MYO5B: variants seen among roughly 807,000 people sequenced by gnomAD.
MYO5B encodes the protein myosin VB.
MYO5B carries 143 observed loss-of-function variants against 229.3 expected under a neutral mutation model. That is an observed-to-expected ratio of 0.62 (90% CI 0.54 to 0.72). The LOEUF (loss-of-function observed/expected upper bound fraction) is 0.72, where lower values mean the gene tolerates loss of function less well. MYO5B is among the 30% of genes least tolerant of loss of function. The pLI is 0.00. For missense variants in MYO5B, 2,321 were observed against 2,331.0 expected (o/e 1.00, Z 0.09); for synonymous variants, 918 against 885.2 (o/e 1.04, Z -0.66).
chr18:50,081,057 T>A (rs1421829612), intron 1 of MYO5B, among the ~76,000 whole-genome samples: 1 of 152,222 alleles, frequency 6.6e-6, no homozygotes, highest in East Asian at 1.9e-4. Flanking sequence ...AATAAAGTTA[T>A]GAGTCACCAG....
At chr18:49,838,085 CCA>C (rs1451036602) in intron 36 of MYO5B, among the ~76,000 whole-genome samples, 2 of 152,178 alleles carry the variant, frequency 1.3e-5, no homozygotes, top group Non-Finnish European at 2.9e-5. Context: ...GTGCTGAAGT[CCA>C]CAGTTTGAGA....
At position 50,187,880 on chromosome 18, in the gene MYO5B, G is replaced by T. The variant is rs574828516; in HGVS notation, c.27+6887C>A. ...AAAAACTGAGCAACTGTCACTAGAG[G>T]GGGGCAGGGAGCTACAACCCTAAAG... On this transcript the variant is annotated intron_variant, in intron 1 of 39. Transcript: ENST00000285039. Among the ~76,000 whole-genome samples the T allele has an allele frequency of 4.6e-5, 7 of 152,246 alleles. No individual in the cohort carries two copies. In the South Asian group the frequency reaches 6.2e-4, roughly 14 times the overall value.
intron 8 of MYO5B, among the ~76,000 whole-genome samples, chr18:49,981,710 C>T (rs1039252660): frequency 7.2e-5 from 11 of 152,168 alleles, no homozygotes; most frequent in African/African-American, 2.4e-4. Flanking sequence ...ATGACCGGAT[C>T]GCTGGCTACT....
intron 16 of MYO5B, among the ~76,000 whole-genome samples, chr18:49,930,031 T>C (rs2025172560): frequency 6.6e-6 from 1 of 152,200 alleles, no homozygotes; most frequent in Admixed American, 6.5e-5. Flanking sequence ...AAGGATGAGT[T>C]TCAGACTAGG....
chr18:50,059,681 ACAGCTGC>A (rs528003758), intron 1 of MYO5B, among the ~76,000 whole-genome samples: 8 of 152,338 alleles, frequency 5.3e-5, no homozygotes, highest in African/African-American at 1.9e-4. Flanking sequence ...AGGATGGTTC[ACAGCTGC>A]CAGCTGCCAC....
intron 24 of MYO5B, among the ~76,000 whole-genome samples, chr18:49,878,261 C>G (rs1347222560): frequency 9.9e-5 from 15 of 152,164 alleles, no homozygotes; most frequent in Admixed American, 9.8e-4. Flanking sequence ...TCAACCTGCA[C>G]TCCTCAAATT....
intron 32 of MYO5B, among the ~76,000 whole-genome samples, chr18:49,848,967 G>A (rs1347837058): frequency 6.6e-6 from 1 of 152,026 alleles, no homozygotes; most frequent in Non-Finnish European, 1.5e-5. Flanking sequence ...CAAGCCCTGA[G>A]CATGTGGCTC....
intron 2 of MYO5B, among the ~76,000 whole-genome samples, chr18:50,050,828 A>G (rs1013081345): frequency 3.3e-5 from 5 of 152,186 alleles, no homozygotes; most frequent in African/African-American, 1.2e-4. Flanking sequence ...AAAAGGGAGG[A>G]CAAACTCATT....
intron 4 of MYO5B, among the ~76,000 whole-genome samples, chr18:50,029,061 T>A (rs75721002): frequency 0.012 from 1,820 of 152,338 alleles, 30 homozygotes; most frequent in African/African-American, 0.042. Context: ...AATGTCATCA[T>A]TAGCCATATT....
intron 1 of MYO5B, among the ~76,000 whole-genome samples, chr18:50,102,547 C>A (rs1285438859): frequency 6.6e-6 from 1 of 152,076 alleles, no homozygotes; most frequent in Admixed American, 6.5e-5. Context: ...ATACTAATGC[C>A]AGACAAAGAG....
intron 39 of MYO5B, among the ~76,000 whole-genome samples, chr18:49,827,020 A>G (rs1251985307): frequency 1.3e-5 from 2 of 151,986 alleles, no homozygotes; most frequent in South Asian, 2.1e-4. Flanking sequence ...TGAATTTTTT[A>G]TGCCTCAGTT....
In MYO5B at chr18:50,189,007, G is replaced by A. The variant is rs574674645; in HGVS notation, c.27+5760C>T. ...TGAAAACGGGGAGCAGAGGATCAAC[G>A]GAATTGGAACTAGGGATGAGAGAAG... On this transcript the variant is annotated intron_variant, in intron 1 of 39. Coordinates refer to ENST00000285039, the MANE Select transcript of MYO5B (RefSeq NM_001080467.3). Among the ~76,000 whole-genome samples, 10 of 152,246 alleles carry A rather than the reference G, an allele frequency of 6.6e-5. No homozygotes were observed. The East Asian group carries it at 9.7e-4, about 15-fold the overall frequency.
At chr18:50,077,445 C>A (rs1345907720) in intron 1 of MYO5B, among the ~76,000 whole-genome samples, 1 of 150,986 alleles carries the variant, frequency 6.6e-6, no homozygotes, top group Non-Finnish European at 1.5e-5. Context: ...AAACCTCATG[C>A]CTACCATGAG....
intron 29 of MYO5B, among the ~76,000 whole-genome samples, chr18:49,860,693 C>A (rs748429316): frequency 1.3e-5 from 2 of 152,170 alleles, no homozygotes; most frequent in African/African-American, 2.4e-5. Flanking sequence ...GTGATGGAAG[C>A]CCCCAGAAAT....
At chr18:49,877,573 A>G (rs998714597) in intron 25 of MYO5B, among the ~76,000 whole-genome samples, 190 bp downstream of exon 25, 3 of 152,230 alleles carry the variant, frequency 2.0e-5, no homozygotes, top group African/African-American at 7.2e-5. Flanking sequence ...TGCTTTACAC[A>G]GTAAGTGTTA....
intron 16 of MYO5B, 93 bp downstream of exon 16, chr18:49,936,159 A>G: frequency 9.5e-7 from 1 of 1,052,710 alleles, no homozygotes; most frequent in Non-Finnish European, 1.4e-6. Flanking sequence ...ATCATGCTGA[A>G]GGCCACAGAC....
chr18:49,937,321 G>A lies in MYO5B; in HGVS notation c.1829C>T (p.Ser610Leu), dbSNP rs753160864. The A allele has an allele frequency of 8.1e-6, 13 of 1,613,980 alleles. No homozygotes were observed. Among genetic ancestry groups the A allele is most frequent in the East Asian group, 4.5e-5 (2 of 44,886 alleles). Residue 610 changes from serine to leucine, a missense_variant, in exon 15 of 40, where the codon TCG (serine) becomes TTG (leucine). Physicochemically the swap from Ser to Leu is moderately radical, Grantham distance 145. Around this residue, in one of 2 missense-constraint regions of MYO5B, gnomAD observed 2,113 missense variants for 2,044.7 expected, o/e 1.03. Coordinates refer to ENST00000285039, the MANE Select transcript of MYO5B (RefSeq NM_001080467.3). ...PATTPGKGSS[S>L]KISVRSARPP... ...TCTGGCAGAACGGACGCTGATCTTCGAAGATGACCCCTTCCCAGGGGTGGT... is the reference window on the plus strand; with the variant it reads ...TCTGGCAGAACGGACGCTGATCTTCAAAGATGACCCCTTCCCAGGGGTGGT...
chr18:50,031,963 G>A (rs1157854551), intron 4 of MYO5B, among the ~76,000 whole-genome samples: 8 of 152,172 alleles, frequency 5.3e-5, no homozygotes, highest in Non-Finnish European at 7.4e-5. Context: ...AAAGGAAGAC[G>A]TTTAACTTGG....
chr18:49,856,727 C>T, intron 30 of MYO5B, 86 bp downstream of exon 30: 2 of 1,152,760 alleles, frequency 1.7e-6, no homozygotes, highest in Non-Finnish European at 2.6e-6. Context: ...TGCTCTCGCA[C>T]CCACTGTAGC....
Sources: gnomAD v4.1 joint callset for allele counts (sites outside exome capture counted in the v4.1 genomes callset) on GRCh38, gnomAD v4.1.1 for gene constraint, gnomAD v4.1.1 regional missense constraint, MANE v1.5 for transcripts, NCBI Gene and HGNC (gene_info 2026-07-23, HGNC 2026-07-21) for gene names.